Variants in WDR49 observed in about 807,000 individuals in gnomAD.
WDR49 encodes the protein WD repeat domain 49.
WDR49 carries 107 observed loss-of-function variants against 119.5 expected under a neutral mutation model. The ratio of observed to expected loss-of-function variants is 0.90; its 90% CI spans 0.77 to 1.05. The LOEUF is 1.05. Ranked by LOEUF, WDR49 falls within the 50% of genes least tolerant of loss-of-function variation. The probability of loss-of-function intolerance (pLI) is 0.00; values close to 1 mark genes in which losing one functional copy is unlikely to be tolerated. For synonymous variants in WDR49, 425 were observed against 418.8 expected (o/e 1.01, Z -0.18); for missense variants, 1,240 against 1,220.5 (o/e 1.02, Z -0.24).
intron 2 of WDR49, among the ~76,000 whole-genome samples, chr3:167,651,152 C>A (rs1484010337): frequency 2.0e-5 from 3 of 152,010 alleles, no homozygotes; most frequent in African/African-American, 7.2e-5. Flanking sequence ...CCTGTTTTTT[C>A]ACTTAAGAAT....
intron 10 of WDR49, among the ~76,000 whole-genome samples, chr3:167,547,998 A>C (rs1712314037): frequency 2.0e-5 from 3 of 152,168 alleles, no homozygotes; most frequent in Admixed American, 2.0e-4. Flanking sequence ...ATGTTAATAC[A>C]GATTAAATGC....
chr3:167,523,700 T>A (rs559219276), intron 15 of WDR49, among the ~76,000 whole-genome samples: 1 of 152,270 alleles, frequency 6.6e-6, no homozygotes, highest in East Asian at 1.9e-4. Flanking sequence ...TCCAGCTTCA[T>A]CCATGTCCTT....
At position 167,621,596 on chromosome 3, in the gene WDR49, C is replaced by T; in HGVS notation, c.654G>A (p.Leu218=). 2 of 1,534,900 alleles carry T rather than the reference C, an allele frequency of 1.3e-6. No individual in the cohort carries two copies. The highest frequency in any genetic ancestry group is 1.2e-5 in the South Asian group (1 of 83,912). ...ATTGGCAAGCAAATTCTTCTTTGGA[C>T]AGCAGATCATAGAAACAAACCTCTT... ...TSKEVCFYDL[L]SKEEFACQYK... Residue 218 remains leucine (L), a synonymous_variant, in exon 4 of 19, where the codon CTG becomes CTA. Transcript: ENST00000682715.
intron 10 of WDR49, among the ~76,000 whole-genome samples, chr3:167,542,478 A>G (rs1444187350): frequency 1.3e-5 from 2 of 152,154 alleles, no homozygotes; most frequent in Admixed American, 1.3e-4. Context: ...ATTAGCTCCA[A>G]AAGGAACCCT....
At chr3:167,479,440 T>C (rs1012616599) in intron 18 of WDR49, among the ~76,000 whole-genome samples, 1 of 152,166 alleles carries the variant, frequency 6.6e-6, no homozygotes, top group African/African-American at 2.4e-5. Flanking sequence ...TTTGCAGTTT[T>C]AGGAAAAAAA....
intron 13 of WDR49, among the ~76,000 whole-genome samples, chr3:167,530,095 C>T (rs1752791112): frequency 6.6e-6 from 1 of 151,926 alleles, no homozygotes; most frequent in African/African-American, 2.4e-5. Context: ...TAAGCAAGTT[C>T]TAGAAAATGG....
Position 167,576,135 on chromosome 3 carries a change from T to C in WDR49, c.1292A>G (p.Asp431Gly). ...FSKDKVLRLW[D>G]IQHQLSIQRI... ...CTGGATGGACAGCTGGTGTTGAATA[T>C]CCCAGAGTCTCAAAACCTGGATGAA... Residue 431 changes from aspartate to glycine, a missense_variant, in exon 8 of 19, where the codon GAT becomes GGT. Asp to Gly is a moderately conservative substitution (Grantham distance 94). Transcript: ENST00000682715. 6.2e-7 allele frequency: 1 copy of C among 1,613,850 alleles called. No homozygotes were observed. The highest frequency in any genetic ancestry group is 8.5e-7 in the Non-Finnish European group (1 of 1,179,898).
chr3:167,656,043 C>T (rs546693565), upstream of WDR49, among the ~76,000 whole-genome samples: 83 of 152,274 alleles, frequency 5.5e-4, no homozygotes, highest in South Asian at 5.6e-3. Flanking sequence ...ATGCCAATTC[C>T]AACCTCTTGT....
chr3:167,533,275 G>A (rs1752914274), intron 11 of WDR49, among the ~76,000 whole-genome samples: 4 of 152,066 alleles, frequency 2.6e-5, no homozygotes, highest in Admixed American at 2.6e-4. Flanking sequence ...TGGAGCTTGA[G>A]TCTTGGTTCT....
intron 17 of WDR49, 108 bp from the exon 18 acceptor site, chr3:167,500,407 C>T: frequency 2.3e-6 from 3 of 1,315,496 alleles, no homozygotes; most frequent in Non-Finnish European, 3.1e-6. Context: ...TAAATTTAAC[C>T]TTCCTGTTAC....
At chr3:167,603,257 C>A (rs1030650013) in intron 6 of WDR49, among the ~76,000 whole-genome samples, 1 of 152,062 alleles carries the variant, frequency 6.6e-6, no homozygotes, top group Non-Finnish European at 1.5e-5. Flanking sequence ...ACTTAATCAT[C>A]CTTATTTTTT....
chr3:167,631,491 G>C lies in WDR49; in HGVS notation c.166-4199C>G, dbSNP rs1025189146. ...ATTGAAGTGCCACGAGTATTGATTT[G>C]GGGATGAATAAATTTTAGGAAGTAG... is the stretch of plus-strand genomic sequence containing the variant. On this transcript the variant is annotated intron_variant, in intron 2 of 18. Transcript: ENST00000682715. 7.9e-5 allele frequency among the ~76,000 whole-genome samples: 12 copies of C among 151,916 alleles called. 1 individual carries two copies. Among genetic ancestry groups the C allele is most frequent in the African/African-American group, 2.4e-5 (1 of 41,394 alleles).
intron 10 of WDR49, among the ~76,000 whole-genome samples, chr3:167,554,101 C>G (rs1390505348): frequency 6.6e-6 from 1 of 151,836 alleles, no homozygotes; most frequent in Non-Finnish European, 1.5e-5. Flanking sequence ...TGCCACAGAA[C>G]TGTTTATGAT....
intron 10 of WDR49, among the ~76,000 whole-genome samples, chr3:167,538,915 A>G (rs541584039): frequency 4.6e-5 from 7 of 152,312 alleles, no homozygotes; most frequent in African/African-American, 1.4e-4. Context: ...TTCGTTTAGT[A>G]TATGATAAAA....
chr3:167,592,425 CTTTT>C (rs924461868), intron 7 of WDR49, among the ~76,000 whole-genome samples: 1 of 144,374 alleles, frequency 6.9e-6, no homozygotes, highest in Non-Finnish European at 1.5e-5. Flanking sequence ...TAGATGATTT[CTTTT>C]TCTTTTTCTT....
intron 9 of WDR49, among the ~76,000 whole-genome samples, chr3:167,559,594 C>T (rs993283658): frequency 1.3e-5 from 2 of 152,104 alleles, no homozygotes; most frequent in Admixed American, 1.3e-4. Flanking sequence ...TTTCACATAA[C>T]AAAAATTAAG....
chr3:167,502,093 T>C (rs985810822), intron 17 of WDR49, among the ~76,000 whole-genome samples: 1 of 152,132 alleles, frequency 6.6e-6, no homozygotes, highest in African/African-American at 2.4e-5. Context: ...GTTTTTGCAA[T>C]AGTGAGTGGG....
chr3:167,554,671 G>A lies in WDR49; in HGVS notation c.1802C>T (p.Ala601Val). 6.4e-7 allele frequency: 1 copy of A among 1,566,402 alleles called. No individual in the cohort carries two copies. Among genetic ancestry groups the A allele is most frequent in the Non-Finnish European group, 8.8e-7 (1 of 1,141,692 alleles). The change falls in exon 10 of 19, where the codon GCC (alanine) becomes GTC (valine). Residue 601 changes from alanine to valine, a missense_variant. Transcript: ENST00000682715. Reference sequence around the variant, plus strand: ...TTACCTTCCTATAGTTTTCCATGAGGCATAATCATACCTCTCCCAGCCTGT... The same window carrying A: ...TTACCTTCCTATAGTTTTCCATGAGACATAATCATACCTCTCCCAGCCTGT... Reference protein sequence around the residue: ...LVTGWERYDYASWKTIGRAIT... With the variant: ...LVTGWERYDYVSWKTIGRAIT...
At chr3:167,588,449 TTTCTTTGGGGTATA>T in intron 7 of WDR49, among the ~76,000 whole-genome samples, 1 of 152,290 alleles carries the variant, frequency 6.6e-6, no homozygotes. Context: ...ACTGATTTCT[TTTCTTTGGGGTATA>T]TACCTAGTAG....
Sources: gnomAD v4.1 joint callset for allele counts (sites outside exome capture counted in the v4.1 genomes callset) on GRCh38, gnomAD v4.1.1 for gene constraint, MANE v1.5 for transcripts, NCBI Gene and HGNC (gene_info 2026-07-23, HGNC 2026-07-21) for gene names.